Variants in SLC9A9 observed in about 807,000 individuals in gnomAD.
The protein encoded by SLC9A9 is sodium/hydrogen exchanger 9.
SLC9A9 carries 62 observed loss-of-function variants against 77.8 expected under a neutral mutation model. That is an observed-to-expected ratio of 0.80 (90% CI 0.65 to 0.98). The LOEUF (loss-of-function observed/expected upper bound fraction) is 0.98, where lower values mean the gene tolerates loss of function less well. Ranked by LOEUF, SLC9A9 falls within the 50% of genes least tolerant of loss-of-function variation. SLC9A9 has a pLI of 0.00. For missense variants in SLC9A9, 775 were observed against 774.9 expected (o/e 1.00, Z 0.00); for synonymous variants, 320 against 283.5 (o/e 1.13, Z -1.29).
intron 9 of SLC9A9, among the ~76,000 whole-genome samples, chr3:143,549,907 T>C (rs2036850915): frequency 6.6e-6 from 1 of 152,182 alleles, no homozygotes. Context: ...AAGCTAGTAG[T>C]ATTCAAAATT....
chr3:143,371,058 A>G (rs1212400031), intron 13 of SLC9A9, among the ~76,000 whole-genome samples: 1 of 152,052 alleles, frequency 6.6e-6, no homozygotes, highest in Non-Finnish European at 1.5e-5. Flanking sequence ...AGAAAGGAGG[A>G]AACTGCACAG....
chr3:143,847,513 A>G (rs2009854665), intron 1 of SLC9A9: 1 of 152,456 alleles, frequency 6.6e-6, no homozygotes, highest in African/African-American at 2.4e-5. Context: ...TACATAACAA[A>G]TAACACTAGC....
At chr3:143,569,798 C>A (rs368681507) in intron 8 of SLC9A9, among the ~76,000 whole-genome samples, 1 of 147,196 alleles carries the variant, frequency 6.8e-6, no homozygotes, top group Non-Finnish European at 1.5e-5. Context: ...GGTTAATTTT[C>A]TTTTATTGTT....
At chr3:143,305,083 G>T (rs146216259) in intron 14 of SLC9A9, among the ~76,000 whole-genome samples, 30 of 152,272 alleles carry the variant, frequency 2.0e-4, no homozygotes, top group African/African-American at 7.0e-4. Flanking sequence ...TACTAAGGGA[G>T]TGATAAGGCA....
intron 6 of SLC9A9, among the ~76,000 whole-genome samples, chr3:143,638,292 T>C (rs1164220845): frequency 6.6e-6 from 1 of 152,206 alleles, no homozygotes; most frequent in Non-Finnish European, 1.5e-5. Context: ...AATAAGCCAT[T>C]TGGCACAGAC....
intron 14 of SLC9A9, among the ~76,000 whole-genome samples, chr3:143,309,184 T>G (rs1223740905): frequency 6.6e-6 from 1 of 152,186 alleles, no homozygotes; most frequent in Admixed American, 6.5e-5. Flanking sequence ...ATTTCTAAAG[T>G]TCCTCTAATT....
At chr3:143,298,142 A>G (rs1194577374) in intron 14 of SLC9A9, among the ~76,000 whole-genome samples, 1 of 152,230 alleles carries the variant, frequency 6.6e-6, no homozygotes, top group African/African-American at 2.4e-5. Context: ...CATTAGGTTT[A>G]GCCATTTGGA....
intron 4 of SLC9A9, among the ~76,000 whole-genome samples, chr3:143,713,883 T>C (rs1483447173): frequency 6.6e-6 from 1 of 152,154 alleles, no homozygotes. Flanking sequence ...GGAAAATGTA[T>C]AATTAACAAT....
intron 9 of SLC9A9, among the ~76,000 whole-genome samples, chr3:143,538,676 G>C (rs558548662): frequency 7.2e-5 from 11 of 152,176 alleles, no homozygotes; most frequent in African/African-American, 2.7e-4. Flanking sequence ...GTTTCTAGTT[G>C]GCCAAGAGAT....
chr3:143,383,656 G>C (rs1251510882), intron 12 of SLC9A9, among the ~76,000 whole-genome samples: 1 of 152,240 alleles, frequency 6.6e-6, no homozygotes, highest in Non-Finnish European at 1.5e-5. Context: ...TTTCCAGAGA[G>C]AGTCCCTCTG....
chr3:143,427,092 A>G (rs1449135760), intron 12 of SLC9A9, among the ~76,000 whole-genome samples: 1 of 152,252 alleles, frequency 6.6e-6, no homozygotes, highest in Non-Finnish European at 1.5e-5. Context: ...AAAAGTTTAA[A>G]AAGCAACTAC....
intron 2 of SLC9A9, chr3:143,811,651 GC>G (rs1250180068): frequency 2.0e-5 from 9 of 453,874 alleles, no homozygotes; most frequent in African/African-American, 1.6e-4. Flanking sequence ...TTTGAGACCA[GC>G]CCAGCCAACA....
chr3:143,403,263 C>T (rs1559900722), intron 12 of SLC9A9, among the ~76,000 whole-genome samples: 1 of 152,078 alleles, frequency 6.6e-6, no homozygotes, highest in African/African-American at 2.4e-5. Context: ...CTGTCTCATG[C>T]CACTTCCTTA....
intron 14 of SLC9A9, among the ~76,000 whole-genome samples, chr3:143,326,636 C>A (rs1160041840): frequency 6.6e-6 from 1 of 152,160 alleles, no homozygotes; most frequent in Non-Finnish European, 1.5e-5. Flanking sequence ...TTAGAAAGCC[C>A]TTCCCCAACT....
intron 5 of SLC9A9, among the ~76,000 whole-genome samples, chr3:143,667,435 T>C (rs1213024586): frequency 6.6e-6 from 1 of 152,114 alleles, no homozygotes; most frequent in East Asian, 1.9e-4. Flanking sequence ...GGACTTCATG[T>C]CTAAAACACC....
At chr3:143,784,618 C>G (rs767730520) in intron 4 of SLC9A9, among the ~76,000 whole-genome samples, 8 of 151,854 alleles carry the variant, frequency 5.3e-5, no homozygotes, top group African/African-American at 1.7e-4. Flanking sequence ...CTCAGCCTCC[C>G]GAAGTGCTGG....
At chr3:143,818,077 T>C (rs184610330) in intron 2 of SLC9A9, among the ~76,000 whole-genome samples, 202 of 152,248 alleles carry the variant, frequency 1.3e-3, no homozygotes, top group Non-Finnish European at 2.7e-3. Flanking sequence ...AAATTTATAG[T>C]GGTTGCATAA....
At position 143,806,494 on chromosome 3, in the gene SLC9A9, C is replaced by T. The variant is rs201686160; in HGVS notation, c.379-9591G>A. Among the ~76,000 whole-genome samples the T allele has an allele frequency of 1.4e-4, 21 of 151,896 alleles. No individual in the cohort carries two copies. The East Asian group carries it at 4.1e-3, about 29-fold the overall frequency. Reference sequence around the variant, plus strand: ...CTCTGCCAGTGCCTAGCAAATTGCTCAATATATATTTGCTCAACTGGAAAA... The same window carrying T: ...CTCTGCCAGTGCCTAGCAAATTGCTTAATATATATTTGCTCAACTGGAAAA... On this transcript the variant is annotated intron_variant, in intron 2 of 15. Coordinates refer to ENST00000316549, the MANE Select transcript of SLC9A9 (RefSeq NM_173653.4).
At chr3:143,722,888 A>C (rs1321509504) in intron 4 of SLC9A9, among the ~76,000 whole-genome samples, 1 of 152,198 alleles carries the variant, frequency 6.6e-6, no homozygotes, top group Non-Finnish European at 1.5e-5. Flanking sequence ...GACACCAATA[A>C]CTTGGCTGTC....
Sources: gnomAD v4.1 joint callset for allele counts (sites outside exome capture counted in the v4.1 genomes callset) on GRCh38, gnomAD v4.1.1 for gene constraint, MANE v1.5 for transcripts, NCBI Gene and HGNC (gene_info 2026-07-23, HGNC 2026-07-21) for gene names.